Variants in MAP2K5 observed in about 807,000 individuals in gnomAD.
MAP2K5 encodes mitogen-activated protein kinase kinase 5.
A neutral mutation model predicts 83.1 loss-of-function variants in MAP2K5; 49 were observed. The observed-to-expected ratio is 0.59, with a 90% confidence interval of 0.47 to 0.75. MAP2K5 has a LOEUF of 0.75. MAP2K5 is among the 30% of genes least tolerant of loss of function. The pLI is 0.00. For missense variants in MAP2K5, 457 were observed against 557.5 expected (o/e 0.82, Z 1.82); for synonymous variants, 202 against 191.8 (o/e 1.05, Z -0.44).
chr15:67,752,443 G>A (rs182766320), intron 19 of MAP2K5, among the ~76,000 whole-genome samples: 160 of 151,666 alleles, frequency 1.1e-3, no homozygotes, highest in African/African-American at 3.7e-3. Context: ...ACTTTGGGAG[G>A]CCAAAGCGGG....
chr15:67,731,513 G>GA (rs1047061151), intron 17 of MAP2K5, among the ~76,000 whole-genome samples: 2 of 151,716 alleles, frequency 1.3e-5, no homozygotes, highest in African/African-American at 2.4e-5. Context: ...GGGTTCTAAA[G>GA]AAAAAAAACA....
At chr15:67,663,654 C>A (rs1325101460) in intron 12 of MAP2K5, among the ~76,000 whole-genome samples, 2 of 152,126 alleles carry the variant, frequency 1.3e-5, no homozygotes, top group Non-Finnish European at 2.9e-5. Flanking sequence ...AGGAGGATCC[C>A]TTGAGGTCAG....
At chr15:67,615,217 C>T (rs948919794) in intron 8 of MAP2K5, among the ~76,000 whole-genome samples, 3 of 152,080 alleles carry the variant, frequency 2.0e-5, no homozygotes, top group East Asian at 1.9e-4. Flanking sequence ...AGGCTAATCT[C>T]GAACTCCTGA....
Position 67,724,786 on chromosome 15 carries a change from A to G in MAP2K5, c.1045-3130A>G, listed in dbSNP as rs535708495. ...GGCAGCGGTCCTCTCCTGGGGCCTT[A>G]AAATGACTGCTTTCAGTGCCAGCCT... is the stretch of plus-strand genomic sequence containing the variant. On this transcript the variant is annotated intron_variant, in intron 16 of 21. Coordinates refer to ENST00000178640, the MANE Select transcript of MAP2K5 (RefSeq NM_145160.3). This position sits in a 1 kb window ranked among gnomAD's most constrained non-coding sequence, Gnocchi z 4.4. Among the ~76,000 whole-genome samples, 2 of 152,364 alleles carry G rather than the reference A, an allele frequency of 1.3e-5. No homozygotes were observed. Among genetic ancestry groups the G allele is most frequent in the South Asian group, 4.1e-4 (2 of 4,830 alleles).
At position 67,697,775 on chromosome 15, in the gene MAP2K5, A is replaced by G. The variant is rs1596814050; in HGVS notation, c.972+4207A>G. On this transcript the variant is annotated intron_variant, in intron 15 of 21. Transcript: ENST00000178640. ...TACTCAAATATGAAAAAGAAAATAT[A>G]TCAGAATGAAATAGCCCTGTATATG... 3.3e-5 allele frequency among the ~76,000 whole-genome samples: 5 copies of G among 152,384 alleles called. No individual in the cohort carries two copies. In the Middle Eastern group the frequency reaches 0.014, roughly 415 times the overall value.
At chr15:67,588,245 C>T in intron 6 of MAP2K5, 1 of 213,732 alleles carries the variant, frequency 4.7e-6, no homozygotes, top group Non-Finnish European at 8.1e-6. Context: ...ACACATAGTG[C>T]CCTGAATGGA....
intron 5 of MAP2K5, 91 bp downstream of exon 5, chr15:67,586,021 T>C: frequency 1.7e-6 from 2 of 1,169,110 alleles, no homozygotes; most frequent in Non-Finnish European, 2.6e-6. Context: ...CTGCACTTTC[T>C]CAAGCTCTGA....
rs1165038251 is a variant in MAP2K5 at position 67,755,485 on chromosome 15, C to T, written c.1134+6884C>T. Among the ~76,000 whole-genome samples, 1 of 152,106 alleles carries T rather than the reference C, an allele frequency of 6.6e-6. No individual in the cohort carries two copies. The highest frequency in any genetic ancestry group is 1.5e-5 in the Non-Finnish European group (1 of 68,018). On this transcript the variant is annotated intron_variant, in intron 19 of 21. Coordinates refer to ENST00000178640, the MANE Select transcript of MAP2K5 (RefSeq NM_145160.3). The surrounding 1 kb of genome is among the most constrained non-coding windows in gnomAD (Gnocchi z 4.7). ...ACCTCCATCCTCTTCACTGAGCATC[C>T]GGCCTGGGCTGGCATCAAACAGTGC... is the stretch of plus-strand genomic sequence containing the variant.
rs913535915 is a variant in MAP2K5 at position 67,719,639 on chromosome 15, G to C, written c.1045-8277G>C. Reference sequence around the variant, plus strand: ...ACAAAATTGTGGGTAGAGTCTTCTAGGATTAACTCCTGACAGAAGAGGAGA... The same window carrying C: ...ACAAAATTGTGGGTAGAGTCTTCTACGATTAACTCCTGACAGAAGAGGAGA... On this transcript the variant is annotated intron_variant, in intron 16 of 21. Coordinates refer to ENST00000178640, the MANE Select transcript of MAP2K5 (RefSeq NM_145160.3). This position sits in a 1 kb window ranked among gnomAD's most constrained non-coding sequence, Gnocchi z 4.6. 1.6e-4 allele frequency among the ~76,000 whole-genome samples: 24 copies of C among 152,112 alleles called. No individual in the cohort carries two copies. The highest frequency in any genetic ancestry group is 5.3e-4 in the African/African-American group (22 of 41,408).
chr15:67,787,548 A>G (rs992880386), intron 21 of MAP2K5, among the ~76,000 whole-genome samples: 3 of 152,246 alleles, frequency 2.0e-5, no homozygotes, highest in East Asian at 1.9e-4. Context: ...CCAAATGCTC[A>G]TTATAATTGC....
chr15:67,590,426 C>CTCT (rs1567294535), intron 6 of MAP2K5, among the ~76,000 whole-genome samples: 2 of 23,966 alleles, frequency 8.3e-5, no homozygotes, highest in African/African-American at 2.2e-4. Flanking sequence ...TCCCTCCCTC[C>CTCT]CTCTCTCTCT....
chr15:67,644,734 A>G lies in MAP2K5; in HGVS notation c.586-1497A>G, dbSNP rs1395024238. Among the ~76,000 whole-genome samples, 1 of 152,082 alleles carries G rather than the reference A, an allele frequency of 6.6e-6. No individual in the cohort carries two copies. Among genetic ancestry groups the G allele is most frequent in the Non-Finnish European group, 1.5e-5 (1 of 68,020 alleles). On this transcript the variant is annotated intron_variant, in intron 9 of 21. Transcript: ENST00000178640. This position sits in a 1 kb window ranked among gnomAD's most constrained non-coding sequence, Gnocchi z 4.6. ...AAAAGAAGGGAGTTAATGAAATAAGATTTCTTCAAGCTTTAACTTTCTGTA... is the reference window on the plus strand; with the variant it reads ...AAAAGAAGGGAGTTAATGAAATAAGGTTTCTTCAAGCTTTAACTTTCTGTA...
chr15:67,704,023 T>C (rs2088489440), intron 16 of MAP2K5, among the ~76,000 whole-genome samples: 1 of 152,170 alleles, frequency 6.6e-6, no homozygotes, highest in African/African-American at 2.4e-5. Flanking sequence ...ATCAACTCTT[T>C]ATAGCTGTAT....
At chr15:67,740,003 T>C (rs57488960) in intron 17 of MAP2K5, among the ~76,000 whole-genome samples, 16,384 of 152,154 alleles carry the variant, frequency 0.11, 975 homozygotes, top group Admixed American at 0.11. Flanking sequence ...GAAGCTGTCT[T>C]AGAAATCTAT....
In MAP2K5 at chr15:67,783,601, T is replaced by C. The variant is rs1481252508; in HGVS notation, c.1242+10849T>C. On this transcript the variant is annotated intron_variant, in intron 21 of 21. Coordinates refer to ENST00000178640, the MANE Select transcript of MAP2K5 (RefSeq NM_145160.3). The surrounding 1 kb of genome is among the most constrained non-coding windows in gnomAD (Gnocchi z 5.1). ...ACTCGTCACGCTTTGTGGCAGTAACTTGTGGTAACAGTCAATAAAAGAGAC... is the reference window on the plus strand; with the variant it reads ...ACTCGTCACGCTTTGTGGCAGTAACCTGTGGTAACAGTCAATAAAAGAGAC... Among the ~76,000 whole-genome samples, 4 of 152,198 alleles carry C rather than the reference T, an allele frequency of 2.6e-5. No homozygotes were observed. Among genetic ancestry groups the C allele is most frequent in the African/African-American group, 7.2e-5 (3 of 41,448 alleles).
intron 1 of MAP2K5, among the ~76,000 whole-genome samples, chr15:67,549,776 A>G (rs2084471069): frequency 6.6e-6 from 1 of 152,236 alleles, no homozygotes; most frequent in Admixed American, 6.5e-5. Flanking sequence ...TTATTTGTAT[A>G]TAGACTGTTG....
At chr15:67,603,206 ACT>A (rs1356853668) in intron 8 of MAP2K5, among the ~76,000 whole-genome samples, 2 of 152,108 alleles carry the variant, frequency 1.3e-5, no homozygotes, top group African/African-American at 4.8e-5. Context: ...TGTAATCGAA[ACT>A]CTGCACCCAT....
rs374592683 is a variant in MAP2K5, at chr15:67,668,749, G to T, written c.847+4104G>T. Among the ~76,000 whole-genome samples the T allele has an allele frequency of 2.0e-4, 30 of 152,062 alleles. No individual in the cohort carries two copies. Among genetic ancestry groups the T allele is most frequent in the African/African-American group, 7.2e-4 (30 of 41,478 alleles). On this transcript the variant is annotated intron_variant, in intron 13 of 21. Transcript: ENST00000178640. The surrounding 1 kb of genome is among the most constrained non-coding windows in gnomAD (Gnocchi z 4.0). Reference sequence around the variant, plus strand: ...TAGAAATGCAAGGGTAATGAGAATAGAATTTAGATTAAGAAAATAAAATTG... The same window carrying T: ...TAGAAATGCAAGGGTAATGAGAATATAATTTAGATTAAGAAAATAAAATTG...
intron 21 of MAP2K5, among the ~76,000 whole-genome samples, chr15:67,805,915 G>A (rs1340434975): frequency 6.6e-6 from 1 of 152,212 alleles, no homozygotes; most frequent in African/African-American, 2.4e-5. Flanking sequence ...TAAGATTGTG[G>A]ATGTAAATCT....
Sources: allele counts gnomAD v4.1 joint callset (sites outside exome capture counted in the v4.1 genomes callset), GRCh38; gene constraint gnomAD v4.1.1; non-coding constraint Gnocchi (gnomAD v3.1); transcripts MANE v1.5; gene names NCBI Gene and HGNC (gene_info 2026-07-23, HGNC 2026-07-21).